The following SCAPER variants were observed in gnomAD, a reference collection of about 807,000 sequenced individuals.
SCAPER encodes S phase cyclin A-associated protein in the endoplasmic reticulum.
SCAPER carries 98 observed loss-of-function variants against 182.2 expected under a neutral mutation model. The ratio of observed to expected loss-of-function variants is 0.54; its 90% CI spans 0.46 to 0.64. SCAPER has a LOEUF of 0.64. SCAPER is among the 30% of genes least tolerant of loss of function. The probability of loss-of-function intolerance (pLI) is 0.00; values close to 1 mark genes in which losing one functional copy is unlikely to be tolerated. For synonymous variants in SCAPER, 605 were observed against 564.6 expected, an observed-to-expected ratio of 1.07 and a Z score of -1.01; for missense variants, 1,432 against 1,690.0, an observed-to-expected ratio of 0.85 and a Z score of 2.68.
At chr15:76,488,572 G>C (rs2051899787) in intron 24 of SCAPER, among the ~76,000 whole-genome samples, 1 of 151,690 alleles carries the variant, frequency 6.6e-6, no homozygotes, top group South Asian at 2.1e-4. Context: ...CATATTTTAT[G>C]CTCACTACAA....
At chr15:76,676,093 G>A (rs925527734) in intron 20 of SCAPER, among the ~76,000 whole-genome samples, 20 of 152,196 alleles carry the variant, frequency 1.3e-4, no homozygotes, top group African/African-American at 3.6e-4. Flanking sequence ...CCAAAGTGCC[G>A]AGATTACAGG....
In SCAPER at chr15:76,522,549, T is replaced by C. The variant is rs770577583; in HGVS notation, c.2839-17575A>G. ...AAAAATATGGACTGTACAGAGATTG[T>C]TGAAATACATACAAGCATGTGCAAA... On this transcript the variant is annotated intron_variant, in intron 23 of 31. Transcript: ENST00000563290. Among the ~76,000 whole-genome samples, 11 of 152,178 alleles carry C rather than the reference T, an allele frequency of 7.2e-5. 1 individual carries two copies. The highest frequency in any genetic ancestry group is 1.0e-4 in the Non-Finnish European group (7 of 67,988).
intron 15 of SCAPER, among the ~76,000 whole-genome samples, chr15:76,739,723 G>A (rs2061449803): frequency 6.6e-6 from 1 of 152,108 alleles, no homozygotes; most frequent in African/African-American, 2.4e-5. Context: ...AAACCACAAA[G>A]ACCAAAACTG....
chr15:76,793,203 C>G, intron 8 of SCAPER: 1 of 1,147,608 alleles, frequency 8.7e-7, no homozygotes, highest in African/African-American at 1.6e-5. Context: ...TCTATAGCTA[C>G]TGTTATTATA....
At chr15:76,709,726 C>T (rs1042133027) in intron 17 of SCAPER, among the ~76,000 whole-genome samples, 1 of 152,110 alleles carries the variant, frequency 6.6e-6, no homozygotes, top group African/African-American at 2.4e-5. Flanking sequence ...AACACAAAAG[C>T]CAGACAAAAA....
chr15:76,814,561 T>G (rs1395017244), intron 5 of SCAPER, among the ~76,000 whole-genome samples: 2 of 152,090 alleles, frequency 1.3e-5, no homozygotes, highest in Admixed American at 6.5e-5. Flanking sequence ...AATAACCACA[T>G]GTAAAAGAAG....
At position 76,577,899 on chromosome 15, in the gene SCAPER, C is replaced by A. The variant is rs566930417; in HGVS notation, c.2712-3615G>T. Reference sequence around the variant, plus strand: ...AGTAGGGCAGAGCAACAAGAGGGTTCTTGAGGTCCCTGATTCCAGGCCTTG... The same window carrying A: ...AGTAGGGCAGAGCAACAAGAGGGTTATTGAGGTCCCTGATTCCAGGCCTTG... On this transcript the variant is annotated intron_variant, in intron 22 of 31. Transcript: ENST00000563290. 2.0e-5 allele frequency among the ~76,000 whole-genome samples: 3 copies of A among 151,996 alleles called. No homozygotes were observed. The East Asian group carries it at 5.8e-4, about 30-fold the overall frequency.
chr15:76,405,446 G>A (rs1416802902), intron 26 of SCAPER, among the ~76,000 whole-genome samples: 1 of 152,180 alleles, frequency 6.6e-6, no homozygotes, highest in East Asian at 1.9e-4. Context: ...CCAGTTGTAG[G>A]TTCTCTGTTT....
At chr15:76,679,832 G>T (rs1006525694) in intron 20 of SCAPER, among the ~76,000 whole-genome samples, 1 of 152,104 alleles carries the variant, frequency 6.6e-6, no homozygotes, top group African/African-American at 2.4e-5. Flanking sequence ...TCTAATCTGA[G>T]GTTTAACAGA....
intron 28 of SCAPER, among the ~76,000 whole-genome samples, chr15:76,377,584 C>T (rs1053400356): frequency 8.5e-5 from 13 of 152,214 alleles, no homozygotes; most frequent in African/African-American, 2.9e-4. Flanking sequence ...AGACCACCTT[C>T]AATTGTAAAA....
intron 8 of SCAPER, among the ~76,000 whole-genome samples, chr15:76,778,241 A>G (rs1166881721): frequency 6.6e-6 from 1 of 152,188 alleles, no homozygotes; most frequent in Non-Finnish European, 1.5e-5. Flanking sequence ...TATACAGATA[A>G]AATATTTGAG....
At chr15:76,458,170 CTCTCTCTTTATATAT>C (rs1427054316) in intron 25 of SCAPER, among the ~76,000 whole-genome samples, 1 of 151,926 alleles carries the variant, frequency 6.6e-6, no homozygotes, top group East Asian at 1.9e-4. Flanking sequence ...TTTCAAGATA[CTCTCTCTTTATATAT>C]TCTCTCACTA....
intron 5 of SCAPER, among the ~76,000 whole-genome samples, chr15:76,836,233 T>C (rs66866130): frequency 0.38 from 58,016 of 151,972 alleles, 13,076 homozygotes; most frequent in Middle Eastern, 0.52. Flanking sequence ...CTAAACCTCA[T>C]GTGGAACCAA....
intron 21 of SCAPER, among the ~76,000 whole-genome samples, chr15:76,642,250 TC>T (rs1180665906): frequency 6.6e-6 from 1 of 152,210 alleles, no homozygotes; most frequent in Non-Finnish European, 1.5e-5. Flanking sequence ...TTCTAATCTA[TC>T]CTAAATTTTC....
intron 23 of SCAPER, among the ~76,000 whole-genome samples, chr15:76,572,541 G>A (rs1057400257): frequency 2.6e-5 from 4 of 152,162 alleles, no homozygotes; most frequent in African/African-American, 9.7e-5. Context: ...CCAAAATGTA[G>A]TTGAGCACTA....
intron 27 of SCAPER, among the ~76,000 whole-genome samples, chr15:76,396,722 T>C (rs2044088307): frequency 6.6e-6 from 1 of 152,196 alleles, no homozygotes; most frequent in Admixed American, 6.5e-5. Flanking sequence ...TGATGGAGTC[T>C]TTAGGTTTTT....
intron 16 of SCAPER, among the ~76,000 whole-genome samples, chr15:76,731,953 G>A (rs2060944826): frequency 6.6e-6 from 1 of 152,136 alleles, no homozygotes; most frequent in Non-Finnish European, 1.5e-5. Context: ...GCAGAGTAAG[G>A]AACCAAAGAT....
intron 8 of SCAPER, among the ~76,000 whole-genome samples, chr15:76,776,392 C>T (rs2063745524): frequency 6.6e-6 from 1 of 152,114 alleles, no homozygotes; most frequent in Admixed American, 6.6e-5. Flanking sequence ...TCCCACCTAA[C>T]AGAAATAGAT....
In SCAPER at chr15:76,456,152, T is replaced by C. The variant is rs1032615481; in HGVS notation, c.3078+15060A>G. 3.3e-4 allele frequency among the ~76,000 whole-genome samples: 51 copies of C among 152,330 alleles called. No individual in the cohort carries two copies. In the Middle Eastern group the frequency reaches 0.01, roughly 30 times the overall value. ...CATATGTGTGCATGTGTCTTTATAG[T>C]AGAATGATTTATGATCCTTGGGTTA... is the stretch of plus-strand genomic sequence containing the variant. On this transcript the variant is annotated intron_variant, in intron 25 of 31. Transcript: ENST00000563290.
Sources: gnomAD v4.1 joint callset for allele counts (sites outside exome capture counted in the v4.1 genomes callset) on GRCh38, gnomAD v4.1.1 for gene constraint, MANE v1.5 for transcripts, NCBI Gene and HGNC (gene_info 2026-07-23, HGNC 2026-07-21) for gene names.